The following ADK variants were observed in gnomAD, a reference collection of about 807,000 sequenced individuals.
The protein encoded by ADK is N6,N6-dimethyladenosine kinase.
In ADK, 24 loss-of-function variants were observed where a neutral mutation model predicts 44.7. The ratio of observed to expected loss-of-function variants is 0.54; its 90% CI spans 0.39 to 0.76. The LOEUF (loss-of-function observed/expected upper bound fraction) is 0.76. ADK is among the 30% of genes least tolerant of loss of function. The probability of loss-of-function intolerance (pLI) is 0.00; values close to 1 mark genes in which losing one functional copy is unlikely to be tolerated. For missense variants in ADK, 321 were observed against 425.1 expected, an observed-to-expected ratio of 0.76 and a Z score of 2.15; for synonymous variants, 128 against 142.6, an observed-to-expected ratio of 0.90 and a Z score of 0.73.
At chr10:74,169,993 G>A (rs543369460) in intron 1 of ADK, among the ~76,000 whole-genome samples, 2 of 152,154 alleles carry the variant, frequency 1.3e-5, no homozygotes, top group Non-Finnish European at 2.9e-5. Flanking sequence ...TCCAGGATTC[G>A]AATCCCTTCT....
intron 3 of ADK, among the ~76,000 whole-genome samples, chr10:74,264,534 A>G (rs1846148786): frequency 6.6e-6 from 1 of 152,042 alleles, no homozygotes; most frequent in East Asian, 1.9e-4. Flanking sequence ...TTTTATGGAT[A>G]CAAATTCTTT....
chr10:74,657,675 A>G (rs1370587246), intron 9 of ADK, among the ~76,000 whole-genome samples: 1 of 152,234 alleles, frequency 6.6e-6, no homozygotes, highest in East Asian at 1.9e-4. Context: ...AATAATCACT[A>G]TATTCAGCAA....
intron 5 of ADK, among the ~76,000 whole-genome samples, chr10:74,396,089 TTA>T (rs1843498574): frequency 6.6e-6 from 1 of 152,194 alleles, no homozygotes; most frequent in African/African-American, 2.4e-5. Context: ...TATACTAATT[TTA>T]TGGTTATAGT....
chr10:74,334,553 C>A (rs190572475), intron 4 of ADK, among the ~76,000 whole-genome samples: 2 of 152,284 alleles, frequency 1.3e-5, no homozygotes, highest in Admixed American at 1.3e-4. Flanking sequence ...CTTGTGTCTT[C>A]TGCCTGCATC....
intron 7 of ADK, among the ~76,000 whole-genome samples, chr10:74,579,695 C>T (rs543168246): frequency 4.6e-5 from 7 of 152,084 alleles, no homozygotes; most frequent in East Asian, 1.9e-4. Flanking sequence ...TGAGACAGTG[C>T]GAGAGAAGAC....
At chr10:74,441,305 C>A (rs749966868) in intron 6 of ADK, among the ~76,000 whole-genome samples, 1 of 152,126 alleles carries the variant, frequency 6.6e-6, no homozygotes, top group Non-Finnish European at 1.5e-5. Flanking sequence ...GAACTTGGAA[C>A]CCTCATGCAC....
intron 9 of ADK, among the ~76,000 whole-genome samples, chr10:74,637,476 T>C (rs958336427): frequency 4.6e-5 from 7 of 152,356 alleles, no homozygotes; most frequent in Middle Eastern, 3.4e-3. Context: ...AATTCCTCTT[T>C]CATGTGTTTT....
chr10:74,209,949 C>CT (rs1843746921), intron 2 of ADK, among the ~76,000 whole-genome samples: 1 of 151,832 alleles, frequency 6.6e-6, no homozygotes, highest in Non-Finnish European at 1.5e-5. Flanking sequence ...TTGGTTTTTC[C>CT]TGACACTAGA....
At chr10:74,322,743 T>C (rs1840860151) in intron 4 of ADK, among the ~76,000 whole-genome samples, 3 of 151,654 alleles carry the variant, frequency 2.0e-5, no homozygotes, top group Admixed American at 1.3e-4. Flanking sequence ...CCTTTCTCTC[T>C]CTTCTTCCCT....
intron 7 of ADK, among the ~76,000 whole-genome samples, chr10:74,534,013 G>A (rs1359961981): frequency 6.6e-6 from 1 of 152,220 alleles, no homozygotes; most frequent in African/African-American, 2.4e-5. Flanking sequence ...CCTATGCTGA[G>A]TGTAAGATAC....
At chr10:74,181,704 G>A (rs1842564612) in intron 1 of ADK, among the ~76,000 whole-genome samples, 1 of 152,160 alleles carries the variant, frequency 6.6e-6, no homozygotes, top group Non-Finnish European at 1.5e-5. Context: ...ATAGAATTTA[G>A]ACCTTCTGAC....
intron 1 of ADK, among the ~76,000 whole-genome samples, chr10:74,158,758 G>T (rs1841819751): frequency 6.6e-6 from 1 of 152,184 alleles, no homozygotes; most frequent in African/African-American, 2.4e-5. Context: ...TTTCTCATCA[G>T]AGTTAGTTCC....
intron 10 of ADK, among the ~76,000 whole-genome samples, chr10:74,685,678 AT>A (rs1035595045): frequency 6.6e-5 from 10 of 152,216 alleles, no homozygotes; most frequent in Non-Finnish European, 8.8e-5. Flanking sequence ...TGATTATATC[AT>A]TTTTATGTGC....
At chr10:74,570,825 T>C (rs956013470) in intron 7 of ADK, among the ~76,000 whole-genome samples, 7 of 152,148 alleles carry the variant, frequency 4.6e-5, no homozygotes, top group African/African-American at 1.7e-4. Flanking sequence ...CAACACTATG[T>C]TGAATAGGAG....
At chr10:74,690,890 G>A (rs1301092035) in intron 10 of ADK, among the ~76,000 whole-genome samples, 1 of 152,150 alleles carries the variant, frequency 6.6e-6, no homozygotes, top group Non-Finnish European at 1.5e-5. Flanking sequence ...ATGAATCCAG[G>A]TACTTCTGAC....
At chr10:74,673,602 C>A (rs190256507) in intron 10 of ADK, among the ~76,000 whole-genome samples, 1 of 152,132 alleles carries the variant, frequency 6.6e-6, no homozygotes, top group Non-Finnish European at 1.5e-5. Context: ...CCAGAGGAAG[C>A]GTTACAGTGC....
chr10:74,677,589 A>G (rs1386812899), intron 10 of ADK, among the ~76,000 whole-genome samples: 1 of 152,178 alleles, frequency 6.6e-6, no homozygotes, highest in African/African-American at 2.4e-5. Flanking sequence ...ACAACTTGGT[A>G]AGTGTTGAAT....
chr10:74,371,535 A>G lies in ADK; in HGVS notation c.274-22606A>G, dbSNP rs544532759. 33 of 1,019,576 alleles carry G rather than the reference A, an allele frequency of 3.2e-5. No individual in the cohort carries two copies. The African/African-American group carries it at 3.8e-4, about 12-fold the overall frequency. The allele number at this position is 1,019,576 out of a possible 1,614,324, so 63.2% of individuals were successfully genotyped here. A position where few individuals can be genotyped will look rare whatever the true frequency, so the allele number is the denominator to read the frequency against. ...GTAGCTTAAAGCGAAACTTTTCACC[A>G]TGTCTGGAGCCCTTGATGTCCTGCA... On this transcript the variant is annotated intron_variant, in intron 4 of 10. Transcript: ENST00000539909.
At chr10:74,393,030 G>A (rs886822169) in intron 4 of ADK, among the ~76,000 whole-genome samples, 1 of 152,042 alleles carries the variant, frequency 6.6e-6, no homozygotes, top group Non-Finnish European at 1.5e-5. Context: ...ACTTATATAT[G>A]TGTTGTTTTA....
Sources: gnomAD v4.1 joint callset for allele counts (sites outside exome capture counted in the v4.1 genomes callset) on GRCh38, gnomAD v4.1.1 for gene constraint, MANE v1.5 for transcripts, NCBI Gene and HGNC (gene_info 2026-07-23, HGNC 2026-07-21) for gene names.